Variants in EXOC6B observed in about 807,000 individuals in gnomAD.
EXOC6B encodes exocyst complex component 6B, also known as SEC15 homolog B.
EXOC6B carries 54 observed loss-of-function variants against 113.5 expected under a neutral mutation model. That is an observed-to-expected ratio of 0.48 (90% CI 0.38 to 0.60). EXOC6B has a LOEUF of 0.60. EXOC6B is among the 20% of genes least tolerant of loss of function. The pLI is 0.00. For synonymous variants in EXOC6B, 357 were observed against 339.0 expected (o/e 1.05, Z -0.58); for missense variants, 797 against 977.5 (o/e 0.82, Z 2.46).
intron 18 of EXOC6B, among the ~76,000 whole-genome samples, chr2:72,449,566 T>C (rs1402450405): frequency 6.6e-6 from 1 of 151,824 alleles, no homozygotes; most frequent in Non-Finnish European, 1.5e-5. Flanking sequence ...TGAAATTATA[T>C]AACCATACAG....
intron 18 of EXOC6B, among the ~76,000 whole-genome samples, chr2:72,457,490 A>T (rs1454553001): frequency 6.6e-6 from 1 of 152,104 alleles, no homozygotes; most frequent in East Asian, 1.9e-4. Context: ...ATCTTGCCCT[A>T]TGTCATACAA....
At chr2:72,228,416 C>T (rs180943681) in intron 20 of EXOC6B, among the ~76,000 whole-genome samples, 3 of 137,754 alleles carry the variant, frequency 2.2e-5, no homozygotes, top group Non-Finnish European at 4.7e-5. Context: ...ATCCCTCCCC[C>T]CTCCCCTCAC....
At chr2:72,586,310 C>T (rs1296556530) in intron 6 of EXOC6B, among the ~76,000 whole-genome samples, 1 of 152,102 alleles carries the variant, frequency 6.6e-6, no homozygotes, top group African/African-American at 2.4e-5. Flanking sequence ...AAACAGACAA[C>T]CTACATACAG....
chr2:72,207,608 G>T (rs1679913249), intron 20 of EXOC6B, among the ~76,000 whole-genome samples: 1 of 152,144 alleles, frequency 6.6e-6, no homozygotes, highest in Non-Finnish European at 1.5e-5. Context: ...CAGAATTCTA[G>T]GTCAAAGCTT....
chr2:72,690,916 A>T (rs1359146681), intron 6 of EXOC6B, among the ~76,000 whole-genome samples: 1 of 152,140 alleles, frequency 6.6e-6, no homozygotes, highest in Non-Finnish European at 1.5e-5. Flanking sequence ...GATGTAATAA[A>T]GTTAAATGAG....
intron 19 of EXOC6B, among the ~76,000 whole-genome samples, chr2:72,367,174 A>G (rs557885361): frequency 2.6e-5 from 4 of 152,320 alleles, no homozygotes; most frequent in Admixed American, 2.6e-4. Flanking sequence ...GAAGAAAAAC[A>G]ATACTTTTGT....
intron 11 of EXOC6B, among the ~76,000 whole-genome samples, chr2:72,508,163 CAA>C (rs67586747): frequency 0.026 from 1,474 of 57,582 alleles, 35 homozygotes; most frequent in East Asian, 0.14. Context: ...ATATTACCCG[CAA>C]AAAAAAAAAA....
At chr2:72,757,609 T>G (rs1168389240) in intron 1 of EXOC6B, among the ~76,000 whole-genome samples, 1 of 152,222 alleles carries the variant, frequency 6.6e-6, no homozygotes, top group Non-Finnish European at 1.5e-5. Context: ...GTTTTCCTCA[T>G]GTGGGCCCAT....
At chr2:72,599,809 A>C (rs747511975) in intron 6 of EXOC6B, among the ~76,000 whole-genome samples, 3 of 152,172 alleles carry the variant, frequency 2.0e-5, no homozygotes, top group Admixed American at 6.5e-5. Context: ...TTAGCACCCC[A>C]AAGAAACAAT....
chr2:72,577,435 C>T (rs1704944518), intron 6 of EXOC6B, among the ~76,000 whole-genome samples: 1 of 152,058 alleles, frequency 6.6e-6, no homozygotes, highest in South Asian at 2.1e-4. Flanking sequence ...AAGCTTTCAA[C>T]TAGAGAGTGA....
At chr2:72,261,848 T>G (rs1162007583) in intron 20 of EXOC6B, among the ~76,000 whole-genome samples, 1 of 152,218 alleles carries the variant, frequency 6.6e-6, no homozygotes, top group Non-Finnish European at 1.5e-5. Context: ...TTTCTTCTAA[T>G]GTACTTTAGC....
At chr2:72,366,993 A>C (rs1484916671) in intron 19 of EXOC6B, among the ~76,000 whole-genome samples, 1 of 152,136 alleles carries the variant, frequency 6.6e-6, no homozygotes, top group Non-Finnish European at 1.5e-5. Context: ...AAGAATGCAG[A>C]ATACAGTAAA....
Position 72,194,597 on chromosome 2 carries a change from CTG to C in EXOC6B, c.2197-10412_2197-10411del, listed in dbSNP as rs36020807. Reference sequence around the variant, plus strand: ...TCTCTCTCTCTCTCTCTCTCTCTCTCTGTGTGTGTGTGTGCATATGTGTGTGT... The same window carrying C: ...TCTCTCTCTCTCTCTCTCTCTCTCTCTGTGTGTGTGTGCATATGTGTGTGT... On this transcript the variant is annotated intron_variant, in intron 20 of 21. Transcript: ENST00000272427. 5.4e-3 allele frequency among the ~76,000 whole-genome samples: 797 copies of C among 147,382 alleles called. 8 individuals are homozygous for C. Among genetic ancestry groups the C allele is most frequent in the African/African-American group, 0.019 (771 of 40,750 alleles).
rs554796997 is a variant in EXOC6B at position 72,717,286 on chromosome 2, T to A, written c.669+817A>T. Among the ~76,000 whole-genome samples, 41 of 152,324 alleles carry A rather than the reference T, an allele frequency of 2.7e-4. 1 individual carries two copies. The highest frequency in any genetic ancestry group is 9.1e-4 in the Admixed American group (14 of 15,304). On this transcript the variant is annotated intron_variant, in intron 6 of 21. Coordinates refer to ENST00000272427, the MANE Select transcript of EXOC6B (RefSeq NM_015189.3). ...ACCTAAAATATGATTTGAAATATAA[T>A]CTATTCCCTCATTCCTCACAGAATG... is the stretch of plus-strand genomic sequence containing the variant.
At chr2:72,668,538 T>C (rs1476852619) in intron 6 of EXOC6B, among the ~76,000 whole-genome samples, 2 of 151,672 alleles carry the variant, frequency 1.3e-5, no homozygotes, top group Non-Finnish European at 2.9e-5. Context: ...AACAGTAGAC[T>C]AGATAAAGAA....
chr2:72,344,325 C>T (rs1045879598), intron 19 of EXOC6B, among the ~76,000 whole-genome samples: 1 of 152,128 alleles, frequency 6.6e-6, no homozygotes, highest in African/African-American at 2.4e-5. Context: ...TTTGCTCATA[C>T]ATCATTTCCA....
intron 15 of EXOC6B, among the ~76,000 whole-genome samples, chr2:72,492,928 A>G (rs1461790719): frequency 6.6e-6 from 1 of 151,956 alleles, no homozygotes; most frequent in South Asian, 2.1e-4. Context: ...TTCTTGTTTG[A>G]TGCCTTTCAT....
At chr2:72,525,771 C>G (rs1256914016) in intron 8 of EXOC6B, among the ~76,000 whole-genome samples, 1 of 152,076 alleles carries the variant, frequency 6.6e-6, no homozygotes. Flanking sequence ...CCACCACCCC[C>G]AAATCCCATC....
intron 19 of EXOC6B, among the ~76,000 whole-genome samples, chr2:72,344,054 C>G (rs1689176286): frequency 6.6e-6 from 1 of 152,186 alleles, no homozygotes; most frequent in South Asian, 2.1e-4. Context: ...TCGGGGACTT[C>G]CAAATGGCTA....
Sources: allele counts gnomAD v4.1 joint callset (sites outside exome capture counted in the v4.1 genomes callset), GRCh38; gene constraint gnomAD v4.1.1; transcripts MANE v1.5; gene names NCBI Gene and HGNC (gene_info 2026-07-23, HGNC 2026-07-21).